Variants in RIMS1 observed in about 807,000 individuals in gnomAD.
RIMS1 encodes the protein regulating synaptic membrane exocytosis protein 1.
Under a neutral mutation model 214.1 loss-of-function variants are expected in RIMS1, and 83 were observed. The observed-to-expected ratio is 0.39, with a 90% CI of 0.32 to 0.47. The LOEUF is 0.47. Among genes scored for constraint, RIMS1 ranks in the 20% least tolerant of loss-of-function variants. RIMS1 has a pLI of 0.99. For missense variants in RIMS1, 2,050 were observed against 2,161.8 expected (o/e 0.95, Z 1.03); for synonymous variants, 793 against 786.8 (o/e 1.01, Z -0.13).
chr6:72,257,254 C>A (rs1052120799), intron 16 of RIMS1, among the ~76,000 whole-genome samples: 1 of 150,832 alleles, frequency 6.6e-6, no homozygotes, highest in Non-Finnish European at 1.5e-5. Context: ...TAATAAAAAA[C>A]AGTTACCCTT....
At chr6:72,126,784 G>C (rs1333426683) in intron 4 of RIMS1, 1 of 176,950 alleles carries the variant, frequency 5.7e-6, no homozygotes, top group East Asian at 1.6e-4. Flanking sequence ...AAAAAAAAAA[G>C]ATGGTGACCT....
At chr6:72,071,868 T>C (rs1830652111) in intron 2 of RIMS1, among the ~76,000 whole-genome samples, 1 of 152,140 alleles carries the variant, frequency 6.6e-6, no homozygotes. Context: ...TGACTTAGCC[T>C]GAGGAAAAGA....
At chr6:72,294,388 G>A (rs952325676) in intron 26 of RIMS1, among the ~76,000 whole-genome samples, 5 of 151,534 alleles carry the variant, frequency 3.3e-5, no homozygotes, top group African/African-American at 1.2e-4. Flanking sequence ...ATTACAATTG[G>A]TTAAGCCCCT....
chr6:72,364,064 A>C (rs1363015336), intron 29 of RIMS1, among the ~76,000 whole-genome samples: 1 of 151,790 alleles, frequency 6.6e-6, no homozygotes, highest in African/African-American at 2.4e-5. Context: ...CAACTCCTCC[A>C]CTCTGGGCCT....
intron 6 of RIMS1, among the ~76,000 whole-genome samples, chr6:72,217,763 G>T (rs575539417): frequency 4.6e-5 from 7 of 152,106 alleles, no homozygotes; most frequent in African/African-American, 1.7e-4. Flanking sequence ...CTGTGTTTTC[G>T]GTGATGTTAA....
In RIMS1 at chr6:72,261,087, A is replaced by G. The variant is rs112164532; in HGVS notation, c.3116+320A>G. On this transcript the variant is annotated intron_variant, in intron 19 of 33. Coordinates refer to ENST00000521978, the MANE Select transcript of RIMS1 (RefSeq NM_014989.7). ...TAAATGCTCACTGTGAGTGCCCCCAACTTTCCCACACATATTCCTGTCTAG... is the reference window on the plus strand; with the variant it reads ...TAAATGCTCACTGTGAGTGCCCCCAGCTTTCCCACACATATTCCTGTCTAG... The G allele has an allele frequency of 6.5e-3, 7,813 of 1,199,946 alleles. 368 individuals are homozygous for G. The African/African-American group carries it at 0.11, about 16-fold the overall frequency. 74.3% of individuals were successfully genotyped at this position (1,199,946 alleles called of 1,614,324 possible).
intron 23 of RIMS1, among the ~76,000 whole-genome samples, chr6:72,278,145 G>A (rs527731508): frequency 3.3e-4 from 46 of 140,064 alleles, no homozygotes; most frequent in African/African-American, 7.4e-4. Context: ...GATTGAGAAT[G>A]GTTTTTAATC....
At chr6:72,369,769 A>C (rs1351637946) in intron 29 of RIMS1, among the ~76,000 whole-genome samples, 3 of 152,250 alleles carry the variant, frequency 2.0e-5, no homozygotes. Context: ...AAGTTGACAC[A>C]TCAGAAAACC....
intron 23 of RIMS1, among the ~76,000 whole-genome samples, chr6:72,278,132 TTTGA>T (rs1484776001): frequency 1.3e-5 from 2 of 150,942 alleles, no homozygotes; most frequent in African/African-American, 4.9e-5. Flanking sequence ...TCTTCAATAT[TTTGA>T]TTGAGAATGG....
intron 6 of RIMS1, among the ~76,000 whole-genome samples, chr6:72,227,447 C>T (rs538603547): frequency 6.6e-6 from 1 of 151,528 alleles, no homozygotes; most frequent in Non-Finnish European, 1.5e-5. Context: ...CCTTCTGAGT[C>T]GAATGACTGA....
intron 1 of RIMS1, among the ~76,000 whole-genome samples, chr6:71,919,210 C>A (rs1779277856): frequency 6.6e-6 from 1 of 151,922 alleles, no homozygotes; most frequent in Admixed American, 6.6e-5. Flanking sequence ...GTTGGTGCTA[C>A]TAGTGATAGT....
chr6:71,986,781 A>G (rs1441336798), intron 2 of RIMS1, among the ~76,000 whole-genome samples: 2 of 152,244 alleles, frequency 1.3e-5, no homozygotes, highest in African/African-American at 4.8e-5. Context: ...GGGCATTGCC[A>G]TTAGAATGAA....
chr6:72,180,712 T>G (rs1352633974), intron 5 of RIMS1, among the ~76,000 whole-genome samples: 2 of 152,250 alleles, frequency 1.3e-5, no homozygotes, highest in African/African-American at 4.8e-5. Context: ...CTCATGATTT[T>G]GGGGCCAGGA....
chr6:72,104,956 A>G (rs1290363905), intron 4 of RIMS1, among the ~76,000 whole-genome samples: 3 of 152,046 alleles, frequency 2.0e-5, no homozygotes, highest in African/African-American at 7.2e-5. Flanking sequence ...TATTTTTGAG[A>G]CAGAGTCTCT....
chr6:72,297,300 A>G (rs1419407629), intron 26 of RIMS1, among the ~76,000 whole-genome samples: 1 of 151,986 alleles, frequency 6.6e-6, no homozygotes, highest in Non-Finnish European at 1.5e-5. Context: ...AATGTACTTT[A>G]CTTAGGTCAG....
chr6:71,919,184 A>G (rs989233975), intron 1 of RIMS1, among the ~76,000 whole-genome samples: 8 of 152,162 alleles, frequency 5.3e-5, no homozygotes, highest in Admixed American at 3.9e-4. Context: ...TTTATAACTT[A>G]TAAGTGCCCA....
At chr6:72,300,234 AGT>A (rs2094482980) in intron 26 of RIMS1, among the ~76,000 whole-genome samples, 1 of 151,754 alleles carries the variant, frequency 6.6e-6, no homozygotes, top group Admixed American at 6.6e-5. Context: ...GTTTATTTAT[AGT>A]GTCATAGGCT....
intron 6 of RIMS1, among the ~76,000 whole-genome samples, chr6:72,190,939 T>C (rs1267241642): frequency 1.3e-5 from 2 of 152,206 alleles, no homozygotes; most frequent in African/African-American, 4.8e-5. Context: ...AGCGTAGTTA[T>C]CTGCAGAAGA....
chr6:71,892,550 C>G (rs1229861226), intron 1 of RIMS1, among the ~76,000 whole-genome samples: 1 of 152,078 alleles, frequency 6.6e-6, no homozygotes, highest in African/African-American at 2.4e-5. Context: ...GACTCTCTAA[C>G]CCCATTTGTA....
Sources: allele counts gnomAD v4.1 joint callset (sites outside exome capture counted in the v4.1 genomes callset), GRCh38; gene constraint gnomAD v4.1.1; transcripts MANE v1.5; gene names NCBI Gene and HGNC (gene_info 2026-07-23, HGNC 2026-07-21).